The following ROCK2 variants were observed in gnomAD, a reference collection of about 807,000 sequenced individuals.
The protein encoded by ROCK2 is rho-associated protein kinase 2.
Under a neutral mutation model 195.1 loss-of-function variants are expected in ROCK2, and 61 were observed. That is an observed-to-expected ratio of 0.31 (90% CI 0.25 to 0.39). The LOEUF (loss-of-function observed/expected upper bound fraction) is 0.39. Ranked by LOEUF, ROCK2 falls within the 10% of genes least tolerant of loss-of-function variation. ROCK2 has a pLI of 1.00. For missense variants in ROCK2, 1,109 were observed against 1,637.4 expected (o/e 0.68, Z 5.57); for synonymous variants, 504 against 545.5 (o/e 0.92, Z 1.06).
intron 1 of ROCK2, among the ~76,000 whole-genome samples, chr2:11,298,972 T>TA (rs939601860): frequency 2.9e-4 from 44 of 152,056 alleles, no homozygotes; most frequent in Middle Eastern, 3.4e-3. Flanking sequence ...TATTCCACAT[T>TA]AAAAAATCGC....
At chr2:11,230,559 A>G (rs1664970229) in intron 5 of ROCK2, among the ~76,000 whole-genome samples, 1 of 152,198 alleles carries the variant, frequency 6.6e-6, no homozygotes, top group Non-Finnish European at 1.5e-5. Flanking sequence ...GGGTCGTATC[A>G]GAAGAAATTT....
intron 32 of ROCK2, among the ~76,000 whole-genome samples, chr2:11,185,841 A>G (rs1001945084): frequency 1.3e-5 from 2 of 152,226 alleles, no homozygotes; most frequent in African/African-American, 4.8e-5. Flanking sequence ...CAAGGAACTC[A>G]TCTGGTCCCC....
intron 1 of ROCK2, among the ~76,000 whole-genome samples, chr2:11,330,850 G>A (rs1389172295): frequency 7.5e-5 from 1 of 13,274 alleles, no homozygotes; most frequent in African/African-American, 2.0e-4. Context: ...GAGGAGGAGG[G>A]GGAGGAAGAG....
Position 11,269,804 on chromosome 2 carries a change from A to G in ROCK2, c.324+16735T>C, listed in dbSNP as rs925370037. ...CTTGCTCTGTCACCCAGGCTGGAGTAAAGTGGTATGATCATGGCTCACAGG... is the reference window on the plus strand; with the variant it reads ...CTTGCTCTGTCACCCAGGCTGGAGTGAAGTGGTATGATCATGGCTCACAGG... On this transcript the variant is annotated intron_variant, in intron 3 of 32. Coordinates refer to ENST00000315872, the MANE Select transcript of ROCK2 (RefSeq NM_004850.5). 2.0e-5 allele frequency among the ~76,000 whole-genome samples: 3 copies of G among 152,126 alleles called. No homozygotes were observed. In the South Asian group the frequency reaches 6.2e-4, roughly 31 times the overall value.
intron 23 of ROCK2, among the ~76,000 whole-genome samples, chr2:11,200,461 A>C (rs1428402020): frequency 6.6e-6 from 1 of 152,180 alleles, no homozygotes; most frequent in Non-Finnish European, 1.5e-5. Flanking sequence ...CTCCCATCAT[A>C]TATACCAAGT....
intron 3 of ROCK2, among the ~76,000 whole-genome samples, chr2:11,254,955 C>T (rs1162692877): frequency 1.3e-5 from 2 of 152,024 alleles, no homozygotes; most frequent in African/African-American, 2.4e-5. Context: ...CAGTGGCTCA[C>T]GCCTGTAATC....
intron 23 of ROCK2, among the ~76,000 whole-genome samples, chr2:11,199,170 G>T (rs1275467020): frequency 6.6e-6 from 1 of 152,072 alleles, no homozygotes; most frequent in Non-Finnish European, 1.5e-5. Context: ...AAAGTGCTGG[G>T]ATTACTTACA....
At chr2:11,186,721 A>G (rs1481316215) in intron 32 of ROCK2, among the ~76,000 whole-genome samples, 1 of 152,182 alleles carries the variant, frequency 6.6e-6, no homozygotes, top group East Asian at 1.9e-4. Flanking sequence ...GCCTTCTCCC[A>G]ACGCCAAGCC....
At chr2:11,292,507 A>T (rs777361004) in intron 1 of ROCK2, among the ~76,000 whole-genome samples, 2 of 152,196 alleles carry the variant, frequency 1.3e-5, no homozygotes, top group Non-Finnish European at 2.9e-5. Context: ...ATGCTCTTAT[A>T]AACAATATTG....
At chr2:11,278,292 C>T (rs368015070) in intron 3 of ROCK2, among the ~76,000 whole-genome samples, 3 of 152,206 alleles carry the variant, frequency 2.0e-5, no homozygotes, top group African/African-American at 7.2e-5. Flanking sequence ...CTGGATTCCA[C>T]ATATAAGTGA....
At chr2:11,317,231 T>C (rs886970151) in intron 1 of ROCK2, among the ~76,000 whole-genome samples, 13 of 152,022 alleles carry the variant, frequency 8.6e-5, no homozygotes, top group African/African-American at 3.1e-4. Flanking sequence ...ATAATAAATT[T>C]AGTCACTTTT....
intron 1 of ROCK2, among the ~76,000 whole-genome samples, chr2:11,290,416 C>G (rs114693647): frequency 0.042 from 6,453 of 152,090 alleles, 276 homozygotes; most frequent in Non-Finnish European, 0.06. Flanking sequence ...CTGGGCAACA[C>G]AGCAAGACCC....
chr2:11,343,980 G>A lies in ROCK2; in HGVS notation c.141+16C>T, dbSNP rs1252767658. 1 of 1,585,766 alleles carries A rather than the reference G, an allele frequency of 6.3e-7. No individual in the cohort carries two copies. Among genetic ancestry groups the A allele is most frequent in the Middle Eastern group, 1.7e-4 (1 of 5,976 alleles). ...GTGAGCTGCAACGAGCAAGCTCCCA[G>A]GCCCCGGCCACCTACCAGCAAGCTC... On this transcript the variant is annotated intron_variant, in intron 1 of 32. Coordinates refer to ENST00000315872, the MANE Select transcript of ROCK2 (RefSeq NM_004850.5).
At chr2:11,234,313 T>C (rs1205016820) in intron 5 of ROCK2, 1 of 152,138 alleles carries the variant, frequency 6.6e-6, no homozygotes, top group Non-Finnish European at 1.5e-5. Flanking sequence ...AAATATGTGG[T>C]ATGATTTATT....
rs1663478521 is a variant in ROCK2 at position 11,192,777 on chromosome 2, CT to C, written c.3688-66del. 1 of 1,491,882 alleles carries C rather than the reference CT, an allele frequency of 6.7e-7. No individual in the cohort carries two copies. The allele number at this position is 1,491,882 out of a possible 1,614,324, so 92.4% of individuals were successfully genotyped here. A position where few individuals can be genotyped will look rare whatever the true frequency, so the allele number is the denominator to read the frequency against. ...GCTATTTTTTTATGTAGGAACAATTCTGATAGTGTAAGTAAAATAAAATTAG... is the reference window on the plus strand; with the variant it reads ...GCTATTTTTTTATGTAGGAACAATTCGATAGTGTAAGTAAAATAAAATTAG... On this transcript the variant is annotated intron_variant, in intron 30 of 32. Transcript: ENST00000315872. This position sits in a 1 kb window ranked among gnomAD's most constrained non-coding sequence, Gnocchi z 5.0.
At chr2:11,257,360 C>T (rs1184237517) in intron 3 of ROCK2, among the ~76,000 whole-genome samples, 2 of 151,436 alleles carry the variant, frequency 1.3e-5, no homozygotes. Context: ...GATCAGCTGT[C>T]GGGGTTACTG....
intron 1 of ROCK2, among the ~76,000 whole-genome samples, chr2:11,310,747 T>C (rs1558382458): frequency 6.6e-6 from 1 of 152,106 alleles, no homozygotes; most frequent in Admixed American, 6.6e-5. Context: ...ATAGGTTGTA[T>C]ATACAACCTA....
rs199970738 is a variant in ROCK2, at chr2:11,252,939, TATAATAATAATAATAATAATAATA to T, written c.325-3165_325-3142del. Among the ~76,000 whole-genome samples the T allele has an allele frequency of 3.6e-4, 52 of 143,336 alleles. 1 individual carries two copies. The highest frequency in any genetic ancestry group is 1.3e-3 in the African/African-American group (50 of 39,222). 94.0% of individuals were successfully genotyped at this position (143,336 alleles called of 152,430 possible). A position where few individuals can be genotyped will look rare whatever the true frequency, so the allele number is the denominator to read the frequency against. On this transcript the variant is annotated intron_variant, in intron 3 of 32. Coordinates refer to ENST00000315872, the MANE Select transcript of ROCK2 (RefSeq NM_004850.5). ...GTGCATGTATCCCAGAACTTAAAAGTATAATAATAATAATAATAATAATAATAATAATAATAATAATAATATTTA... is the reference window on the plus strand; with the variant it reads ...GTGCATGTATCCCAGAACTTAAAAGTATAATAATAATAATAATAATATTTA...
intron 9 of ROCK2, among the ~76,000 whole-genome samples, chr2:11,219,905 C>A (rs1207649468): frequency 2.6e-5 from 4 of 151,570 alleles, no homozygotes; most frequent in South Asian, 4.2e-4. Flanking sequence ...TTCTGTCGCC[C>A]AGGCTGGAAC....
Sources: allele counts gnomAD v4.1 joint callset (sites outside exome capture counted in the v4.1 genomes callset), GRCh38; gene constraint gnomAD v4.1.1; non-coding constraint Gnocchi (gnomAD v3.1); transcripts MANE v1.5; gene names NCBI Gene and HGNC (gene_info 2026-07-23, HGNC 2026-07-21).